Variants in AGBL4 observed in about 807,000 individuals in gnomAD.
AGBL4 encodes the protein AGBL carboxypeptidase 4.
A neutral mutation model predicts 66.4 loss-of-function variants in AGBL4; 58 were observed. The observed-to-expected ratio is 0.87, with a 90% CI of 0.71 to 1.09. The LOEUF is 1.09. Ranked by LOEUF, AGBL4 falls within the 50% of genes least tolerant of loss-of-function variation. AGBL4 has a pLI of 0.00. For synonymous variants in AGBL4, 234 were observed against 222.9 expected, an observed-to-expected ratio of 1.05 and a Z score of -0.44; for missense variants, 579 against 631.0, an observed-to-expected ratio of 0.92 and a Z score of 0.88.
chr1:49,751,039 A>T (rs919057350), intron 2 of AGBL4, among the ~76,000 whole-genome samples: 1 of 152,192 alleles, frequency 6.6e-6, no homozygotes, highest in African/African-American at 2.4e-5. Context: ...GCAAACAGAG[A>T]TAATTTGACT....
chr1:48,905,641 G>A (rs1652515155), intron 5 of AGBL4, among the ~76,000 whole-genome samples: 1 of 152,088 alleles, frequency 6.6e-6, no homozygotes, highest in Non-Finnish European at 1.5e-5. Flanking sequence ...TTACAGATGG[G>A]AAAACTAAGG....
intron 3 of AGBL4, among the ~76,000 whole-genome samples, chr1:49,323,866 G>A (rs975576599): frequency 3.9e-5 from 6 of 151,940 alleles, no homozygotes; most frequent in African/African-American, 1.5e-4. Context: ...TGATTCCTCA[G>A]CTAGAATTAG....
At chr1:49,652,204 T>C (rs1242555834) in intron 3 of AGBL4, among the ~76,000 whole-genome samples, 3 of 151,928 alleles carry the variant, frequency 2.0e-5, no homozygotes, top group African/African-American at 7.3e-5. Context: ...TTATGGAAAA[T>C]TACCAAACCT....
chr1:48,908,798 T>A (rs897745489), intron 5 of AGBL4, among the ~76,000 whole-genome samples: 30 of 152,218 alleles, frequency 2.0e-4, no homozygotes, highest in Non-Finnish European at 3.8e-4. Flanking sequence ...ACATATGTAG[T>A]TTCTAACAAC....
At chr1:49,701,715 C>A (rs1647097593) in intron 2 of AGBL4, among the ~76,000 whole-genome samples, 1 of 151,892 alleles carries the variant, frequency 6.6e-6, no homozygotes, top group Non-Finnish European at 1.5e-5. Flanking sequence ...TTGAAGTGAT[C>A]AACAAAAGTG....
chr1:49,787,405 A>G (rs148245699), intron 2 of AGBL4, among the ~76,000 whole-genome samples: 188 of 151,486 alleles, frequency 1.2e-3, no homozygotes, highest in African/African-American at 4.4e-3. Context: ...AGGGAGGCTG[A>G]GGCAGGAGAA....
intron 5 of AGBL4, among the ~76,000 whole-genome samples, chr1:48,945,132 T>G (rs1023590079): frequency 1.3e-5 from 2 of 152,132 alleles, no homozygotes; most frequent in African/African-American, 2.4e-5. Context: ...ACTGAAAAGC[T>G]CTTCAAAGCT....
chr1:48,910,898 T>C (rs1653032970), intron 5 of AGBL4, among the ~76,000 whole-genome samples: 1 of 152,192 alleles, frequency 6.6e-6, no homozygotes, highest in Non-Finnish European at 1.5e-5. Flanking sequence ...TCCTAGGCCA[T>C]TGAGTTGAGT....
At chr1:49,914,667 T>C (rs1651206800) in intron 1 of AGBL4, among the ~76,000 whole-genome samples, 1 of 152,234 alleles carries the variant, frequency 6.6e-6, no homozygotes, top group Admixed American at 6.5e-5. Flanking sequence ...CATATTCATA[T>C]ATTTGTGATG....
intron 3 of AGBL4, among the ~76,000 whole-genome samples, chr1:49,315,857 C>T (rs1377701499): frequency 6.6e-6 from 1 of 151,990 alleles, no homozygotes; most frequent in Non-Finnish European, 1.5e-5. Context: ...TTGGAAGCAA[C>T]CAAGATGTCC....
At chr1:49,289,578 T>C (rs964907370) in intron 3 of AGBL4, among the ~76,000 whole-genome samples, 5 of 152,210 alleles carry the variant, frequency 3.3e-5, no homozygotes, top group African/African-American at 1.2e-4. Flanking sequence ...TTGTAGTTCA[T>C]TGACAGTTAT....
intron 4 of AGBL4, among the ~76,000 whole-genome samples, chr1:49,073,855 G>T (rs1644657996): frequency 6.6e-6 from 1 of 152,218 alleles, no homozygotes. Flanking sequence ...GCCCACAGCT[G>T]CCCTTTCCCC....
At chr1:49,906,534 C>T (rs949146166) in intron 1 of AGBL4, among the ~76,000 whole-genome samples, 1 of 151,950 alleles carries the variant, frequency 6.6e-6, no homozygotes, top group Non-Finnish European at 1.5e-5. Flanking sequence ...TAAGCATACC[C>T]AATATTTATG....
intron 4 of AGBL4, among the ~76,000 whole-genome samples, chr1:49,221,713 T>A (rs1226477622): frequency 6.6e-6 from 1 of 152,126 alleles, no homozygotes; most frequent in Non-Finnish European, 1.5e-5. Context: ...TGAAAGAGAA[T>A]TTTGTCTTAC....
intron 12 of AGBL4, among the ~76,000 whole-genome samples, chr1:48,535,830 T>C (rs1643962157): frequency 6.6e-6 from 1 of 152,090 alleles, no homozygotes; most frequent in South Asian, 2.1e-4. Context: ...GGTCTCACTT[T>C]TCTTTTCTTT....
At chr1:49,837,450 CAA>C (rs1227430100) in intron 2 of AGBL4, among the ~76,000 whole-genome samples, 2 of 152,210 alleles carry the variant, frequency 1.3e-5, no homozygotes, top group African/African-American at 4.8e-5. Context: ...GTCATGAACA[CAA>C]TTCACCAAGG....
chr1:49,468,839 T>C (rs1646682735), intron 3 of AGBL4, among the ~76,000 whole-genome samples: 1 of 151,990 alleles, frequency 6.6e-6, no homozygotes, highest in Middle Eastern at 3.4e-3. Context: ...TATGTGTATA[T>C]AAAAATGTTG....
At chr1:49,954,002 T>A (rs1031916513) in intron 1 of AGBL4, among the ~76,000 whole-genome samples, 8 of 151,880 alleles carry the variant, frequency 5.3e-5, no homozygotes, top group Non-Finnish European at 1.0e-4. Context: ...CAAACAATCC[T>A]CCTGTCTCAG....
intron 8 of AGBL4, among the ~76,000 whole-genome samples, chr1:48,646,445 T>C (rs990129420): frequency 3.3e-5 from 5 of 152,118 alleles, no homozygotes; most frequent in African/African-American, 1.2e-4. Context: ...TTCTGTTCTA[T>C]TTTTGGATAG....
Sources: gnomAD v4.1 joint callset for allele counts (sites outside exome capture counted in the v4.1 genomes callset) on GRCh38, gnomAD v4.1.1 for gene constraint, MANE v1.5 for transcripts, NCBI Gene and HGNC (gene_info 2026-07-23, HGNC 2026-07-21) for gene names.